PPP2R2B: variants seen among roughly 807,000 people sequenced by gnomAD.
PPP2R2B encodes protein phosphatase 2 regulatory subunit Bbeta.
PPP2R2B carries 5 observed loss-of-function variants against 46.0 expected under a neutral mutation model. The ratio of observed to expected loss-of-function variants is 0.11; its 90% CI spans 0.06 to 0.23. PPP2R2B has a LOEUF of 0.23. Ranked by LOEUF, PPP2R2B falls within the 10% of genes least tolerant of loss-of-function variation. PPP2R2B has a pLI of 1.00. For synonymous variants in PPP2R2B, 215 were observed against 206.7 expected, an observed-to-expected ratio of 1.04 and a Z score of -0.34; for missense variants, 367 against 575.0, an observed-to-expected ratio of 0.64 and a Z score of 3.70.
At chr5:146,667,022 A>G (rs1181192820) in intron 5 of PPP2R2B, among the ~76,000 whole-genome samples, 1 of 152,126 alleles carries the variant, frequency 6.6e-6, no homozygotes, top group East Asian at 1.9e-4. Flanking sequence ...ATGTGTGTGA[A>G]TGTGGGAGAT....
chr5:147,067,389 A>G (rs914231734), intron 2 of PPP2R2B, among the ~76,000 whole-genome samples: 5 of 151,912 alleles, frequency 3.3e-5, no homozygotes, highest in African/African-American at 1.2e-4. Context: ...TAGATTCCAC[A>G]GATGTGAGAT....
At chr5:146,733,760 T>C (rs1201795157) in intron 2 of PPP2R2B, among the ~76,000 whole-genome samples, 2 of 152,156 alleles carry the variant, frequency 1.3e-5, no homozygotes, top group African/African-American at 4.8e-5. Context: ...GCATAGGCTA[T>C]AATTACTATC....
Position 147,035,313 on chromosome 5 carries a change from A to G in PPP2R2B, c.79+20352T>C, listed in dbSNP as rs548062397. The G allele has an allele frequency of 1.5e-4, 50 of 335,304 alleles. 1 individual carries two copies. The highest frequency in any genetic ancestry group is 1.1e-3 in the South Asian group (50 of 45,928). 20.8% of individuals were successfully genotyped at this position (335,304 alleles called of 1,614,324 possible). A position where few individuals can be genotyped will look rare whatever the true frequency, so the allele number is the denominator to read the frequency against. ...CCACACTTTTCAACCATTAGATCTC[A>G]TGAGAACTCTATCACGAGAACAGCA... is the stretch of plus-strand genomic sequence containing the variant. On this transcript the variant is annotated intron_variant, in intron 1 of 8. Coordinates refer to the PPP2R2B transcript ENST00000336640.
chr5:146,961,478 A>T (rs1315046503), intron 1 of PPP2R2B, among the ~76,000 whole-genome samples: 1 of 152,170 alleles, frequency 6.6e-6, no homozygotes. Flanking sequence ...TTTGATTCTA[A>T]CTTTTGCCTA....
rs750703636 is a variant in PPP2R2B at position 146,590,197 on chromosome 5, A to AAGTT, written c.1078_1081dup (p.Phe361Ter). 2 of 1,609,702 alleles carry AAGTT rather than the reference A, an allele frequency of 1.2e-6. No homozygotes were observed. Among genetic ancestry groups the AAGTT allele is most frequent in the Admixed American group, 1.7e-5 (1 of 59,852 alleles). On this transcript the variant is annotated stop_gained and frameshift_variant, in exon 10 of 10. Transcript: ENST00000394411. LOFTEE classifies it high-confidence loss of function. ...GGTGTTTCTGTCGAACATCCTGAAG[A>AAGTT]AGTTGTTGTAGGAGCCTGTCATGAT...
At chr5:146,907,399 A>G (rs1399199406) in intron 1 of PPP2R2B, among the ~76,000 whole-genome samples, 1 of 152,194 alleles carries the variant, frequency 6.6e-6, no homozygotes, top group Non-Finnish European at 1.5e-5. Context: ...GTGTTCCCAT[A>G]TGAGCGTTCC....
chr5:146,961,812 T>C (rs1228998189), intron 1 of PPP2R2B, among the ~76,000 whole-genome samples: 4 of 151,716 alleles, frequency 2.6e-5, no homozygotes, highest in African/African-American at 9.7e-5. Flanking sequence ...ATGGAGGAGA[T>C]TTTTTTTCAA....
chr5:146,858,050 T>G (rs748112912), intron 2 of PPP2R2B, among the ~76,000 whole-genome samples: 66 of 152,228 alleles, frequency 4.3e-4, no homozygotes, highest in Non-Finnish European at 8.8e-4. Flanking sequence ...ACTATTTTCC[T>G]GGGACTGTCA....
At chr5:146,798,959 C>T (rs936955727) in intron 2 of PPP2R2B, among the ~76,000 whole-genome samples, 1 of 152,112 alleles carries the variant, frequency 6.6e-6, no homozygotes, top group African/African-American at 2.4e-5. Flanking sequence ...ACCAGAGTGA[C>T]TTTGAGAATT....
rs549163180 is a variant in PPP2R2B, at chr5:146,997,377, A to C, written c.79+58288T>G. Among the ~76,000 whole-genome samples, 5 of 152,334 alleles carry C rather than the reference A, an allele frequency of 3.3e-5. No homozygotes were observed. In the South Asian group the frequency reaches 1.0e-3, roughly 32 times the overall value. On this transcript the variant is annotated intron_variant, in intron 1 of 8. Coordinates refer to the PPP2R2B transcript ENST00000336640. ...GCCATGGTATGAATGAGGGAATCCAACTGGGCTGCCTGCACAAGGCAGTAA... is the reference window on the plus strand; with the variant it reads ...GCCATGGTATGAATGAGGGAATCCACCTGGGCTGCCTGCACAAGGCAGTAA...
chr5:146,920,397 C>T (rs1231548071), intron 1 of PPP2R2B, among the ~76,000 whole-genome samples: 2 of 152,124 alleles, frequency 1.3e-5, no homozygotes, highest in Non-Finnish European at 2.9e-5. Context: ...CTTGTTGAGG[C>T]TGTCAACCAT....
At chr5:146,691,032 C>A (rs1169283238) in intron 5 of PPP2R2B, 96 bp downstream of exon 5, 5 of 1,010,842 alleles carry the variant, frequency 4.9e-6, no homozygotes, top group South Asian at 3.0e-5. Flanking sequence ...CCTCACTGGC[C>A]CATTATAGTT....
intron 2 of PPP2R2B, among the ~76,000 whole-genome samples, chr5:146,709,895 T>A (rs1780122498): frequency 6.6e-6 from 1 of 152,200 alleles, no homozygotes; most frequent in Non-Finnish European, 1.5e-5. Context: ...TATACATGTC[T>A]TTCCATCTTT....
intron 7 of PPP2R2B, among the ~76,000 whole-genome samples, chr5:146,633,733 C>A (rs975609217): frequency 4.6e-5 from 7 of 152,176 alleles, no homozygotes; most frequent in African/African-American, 1.4e-4. Flanking sequence ...TTCTCTGGGG[C>A]TGTGTGGGGC....
chr5:146,609,007 T>C (rs896692454), intron 7 of PPP2R2B, among the ~76,000 whole-genome samples: 1 of 152,062 alleles, frequency 6.6e-6, no homozygotes, highest in African/African-American at 2.4e-5. Flanking sequence ...CCCTGATGAA[T>C]ATATACAAAA....
intron 4 of PPP2R2B, 47 bp downstream of exon 4, chr5:146,697,932 T>C: frequency 6.4e-7 from 1 of 1,551,364 alleles, no homozygotes; most frequent in Non-Finnish European, 8.8e-7. Flanking sequence ...AAGTATATAG[T>C]TTGGCCGACT....
At chr5:146,959,364 C>T (rs911815548) in intron 1 of PPP2R2B, among the ~76,000 whole-genome samples, 2 of 152,056 alleles carry the variant, frequency 1.3e-5, no homozygotes, top group Non-Finnish European at 2.9e-5. Flanking sequence ...CTTCAGAAAG[C>T]TTACAGTCTG....
intron 7 of PPP2R2B, among the ~76,000 whole-genome samples, chr5:146,622,659 C>A (rs10055790): frequency 6.6e-6 from 1 of 152,172 alleles, no homozygotes; most frequent in African/African-American, 2.4e-5. Flanking sequence ...ATATTCCAGG[C>A]TCTGCTCCCT....
chr5:146,667,510 G>T (rs1021624716), intron 5 of PPP2R2B, among the ~76,000 whole-genome samples: 1 of 152,010 alleles, frequency 6.6e-6, no homozygotes, highest in African/African-American at 2.4e-5. Context: ...AAAGCAGGGA[G>T]GTGAAGTAAT....
Sources: gnomAD v4.1 joint callset for allele counts (sites outside exome capture counted in the v4.1 genomes callset) on GRCh38, gnomAD v4.1.1 for gene constraint, MANE v1.5 for transcripts, NCBI Gene and HGNC (gene_info 2026-07-23, HGNC 2026-07-21) for gene names.